LAMA2: variants seen among roughly 807,000 people sequenced by gnomAD.
The protein encoded by LAMA2 is laminin subunit alpha-2.
In LAMA2, 269 loss-of-function variants were observed where a neutral mutation model predicts 364.8. The ratio of observed to expected loss-of-function variants is 0.74; its 90% confidence interval spans 0.67 to 0.82. The LOEUF (loss-of-function observed/expected upper bound fraction) is 0.82, where lower values mean the gene tolerates loss of function less well. Ranked by LOEUF, LAMA2 falls within the 40% of genes least tolerant of loss-of-function variation. The pLI is 0.00. For synonymous variants in LAMA2, 1,379 were observed against 1,370.6 expected, an observed-to-expected ratio of 1.01 and a Z score of -0.14; for missense variants, 3,807 against 3,873.2, an observed-to-expected ratio of 0.98 and a Z score of 0.45.
intron 1 of LAMA2, among the ~76,000 whole-genome samples, chr6:128,910,203 G>A (rs1427110183): frequency 4.6e-5 from 7 of 152,196 alleles, no homozygotes; most frequent in African/African-American, 1.7e-4. Context: ...GATTGGGGAA[G>A]TTCTCCTGGA....
chr6:129,210,216 T>A (rs1562335513), intron 12 of LAMA2, among the ~76,000 whole-genome samples: 10 of 151,996 alleles, frequency 6.6e-5, no homozygotes. Flanking sequence ...TCCAAGGCTT[T>A]AAAAAAACAA....
At chr6:128,992,867 T>C (rs1183352272) in intron 1 of LAMA2, among the ~76,000 whole-genome samples, 9 of 152,188 alleles carry the variant, frequency 5.9e-5, no homozygotes, top group Admixed American at 1.3e-4. Flanking sequence ...TCTACTGATA[T>C]GAAGAGAAAG....
At position 129,503,298 on chromosome 6, in the gene LAMA2, A is replaced by G; in HGVS notation, c.8547+18A>G. 1.9e-6 allele frequency: 3 copies of G among 1,607,956 alleles called. No individual in the cohort carries two copies. Among genetic ancestry groups the G allele is most frequent in the Non-Finnish European group, 2.6e-6 (3 of 1,175,788 alleles). On this transcript the variant is annotated intron_variant, in intron 60 of 64. Transcript: ENST00000421865. Reference sequence around the variant, plus strand: ...GGCACAAGGTAATAGTCCCCTGGATATTGGCAGTACCCTAAGGGAATTACT... The same window carrying G: ...GGCACAAGGTAATAGTCCCCTGGATGTTGGCAGTACCCTAAGGGAATTACT...
chr6:129,142,844 A>G (rs1778210719), intron 4 of LAMA2, among the ~76,000 whole-genome samples: 1 of 152,014 alleles, frequency 6.6e-6, no homozygotes, highest in African/African-American at 2.4e-5. Flanking sequence ...ATTAACATTT[A>G]TCCTATTATG....
intron 40 of LAMA2, among the ~76,000 whole-genome samples, chr6:129,411,403 G>A (rs1447193399): frequency 1.3e-5 from 2 of 152,170 alleles, no homozygotes; most frequent in Non-Finnish European, 2.9e-5. Context: ...GGGATGGTTA[G>A]TAAAGAACTG....
At chr6:129,299,427 A>G (rs1562432443) in intron 21 of LAMA2, among the ~76,000 whole-genome samples, 1 of 152,066 alleles carries the variant, frequency 6.6e-6, no homozygotes, top group Non-Finnish European at 1.5e-5. Flanking sequence ...CATTATTATT[A>G]TTATCTTTAT....
chr6:129,514,867 T>TA (rs1303197409), intron 64 of LAMA2, among the ~76,000 whole-genome samples: 4 of 152,204 alleles, frequency 2.6e-5, no homozygotes, highest in African/African-American at 4.8e-5. Context: ...ATTTGGCTTA[T>TA]AAAAGATATG....
chr6:129,328,387 G>A lies in LAMA2; in HGVS notation c.4286G>A (p.Cys1429Tyr), dbSNP rs1480829265. 4 of 1,614,076 alleles carry A rather than the reference G, an allele frequency of 2.5e-6. No homozygotes were observed. The highest frequency in any genetic ancestry group is 3.4e-6 in the Non-Finnish European group (4 of 1,180,040). The change falls in exon 29 of 65, where the codon TGT (cysteine) becomes TAT (tyrosine). Residue 1429 changes from cysteine (C) to tyrosine (Y), a missense_variant. Cys to Tyr is a radical substitution (Grantham distance 194). This residue lies in a region of LAMA2 where 3,333 missense variants were observed against 3,345.7 expected (regional missense o/e 1.00). Coordinates refer to ENST00000421865, the MANE Select transcript of LAMA2 (RefSeq NM_000426.4). ...PCQCNGHSSL[C>Y]DPETSICQNC... ...CAATGTAATGGACACAGCAGCCTGTGTGACCCTGAAACATCGATATGCCAG... is the reference window on the plus strand; with the variant it reads ...CAATGTAATGGACACAGCAGCCTGTATGACCCTGAAACATCGATATGCCAG...
chr6:129,028,921 G>T (rs935130873), intron 1 of LAMA2, among the ~76,000 whole-genome samples: 4 of 151,736 alleles, frequency 2.6e-5, no homozygotes, highest in Non-Finnish European at 5.9e-5. Flanking sequence ...TTTCATATTT[G>T]TAAGAAAAAA....
chr6:129,128,191 G>A (rs1224089469), intron 4 of LAMA2, among the ~76,000 whole-genome samples: 1 of 152,022 alleles, frequency 6.6e-6, no homozygotes, highest in African/African-American at 2.4e-5. Flanking sequence ...GTGAAATAAG[G>A]GGCCAATTTT....
rs1184743462 is a variant in LAMA2 at position 129,171,241 on chromosome 6, C to T, written c.1306+5566C>T. Among the ~76,000 whole-genome samples the T allele has an allele frequency of 1.1e-4, 17 of 152,178 alleles. No individual in the cohort carries two copies. In the East Asian group the frequency reaches 2.9e-3, roughly 26 times the overall value. On this transcript the variant is annotated intron_variant, in intron 9 of 64. Coordinates refer to ENST00000421865, the MANE Select transcript of LAMA2 (RefSeq NM_000426.4). The stretch of plus-strand genomic sequence containing the variant: ...GATGATGTTAGCTGGTTATTTTGCT[C>T]GTTAGTTGATGCAGTTTCTTCCTAG...
At chr6:129,021,847 G>T (rs750223143) in intron 1 of LAMA2, among the ~76,000 whole-genome samples, 1 of 152,162 alleles carries the variant, frequency 6.6e-6, no homozygotes. Flanking sequence ...TTTACAAAGA[G>T]ATGAAGACTA....
At chr6:129,272,026 C>T (rs1583388852) in intron 17 of LAMA2, among the ~76,000 whole-genome samples, 1 of 152,256 alleles carries the variant, frequency 6.6e-6, no homozygotes, top group East Asian at 1.9e-4. Context: ...CTCCCAATGA[C>T]CTTCTTTACT....
At chr6:128,951,638 A>G (rs953143529) in intron 1 of LAMA2, among the ~76,000 whole-genome samples, 52 of 152,280 alleles carry the variant, frequency 3.4e-4, no homozygotes, top group Middle Eastern at 3.4e-3. Context: ...TGACTGTAGA[A>G]TAAATTCTAC....
chr6:128,915,994 T>G (rs1014536007), intron 1 of LAMA2, among the ~76,000 whole-genome samples: 13 of 152,168 alleles, frequency 8.5e-5, no homozygotes, highest in Admixed American at 4.6e-4. Flanking sequence ...TTAAATATAG[T>G]TTTCATTGAA....
At chr6:129,328,132 A>G in intron 28 of LAMA2, 146 bp from the exon 29 acceptor site, 1 of 750,078 alleles carries the variant, frequency 1.3e-6, no homozygotes, top group Non-Finnish European at 2.4e-6. Context: ...ATTAAGTATC[A>G]AAATCGGCAC....
chr6:129,347,369 C>A (rs887160823), intron 30 of LAMA2, among the ~76,000 whole-genome samples: 2 of 152,068 alleles, frequency 1.3e-5, no homozygotes, highest in East Asian at 3.9e-4. Flanking sequence ...ATATTTAAAT[C>A]CCTTAGGACT....
intron 9 of LAMA2, among the ~76,000 whole-genome samples, chr6:129,168,990 G>C (rs528707902): frequency 1.3e-5 from 2 of 152,186 alleles, no homozygotes; most frequent in East Asian, 1.9e-4. Flanking sequence ...AAGAATGCTT[G>C]TGACTTTTGT....
chr6:129,330,122 C>A (rs1325713647), intron 29 of LAMA2, among the ~76,000 whole-genome samples: 1 of 151,716 alleles, frequency 6.6e-6, no homozygotes, highest in Admixed American at 6.6e-5. Flanking sequence ...AGGGCTTCCA[C>A]TGATTCTATG....
Sources: allele counts gnomAD v4.1 joint callset (sites outside exome capture counted in the v4.1 genomes callset), GRCh38; gene constraint gnomAD v4.1.1; regional missense constraint gnomAD v4.1.1; transcripts MANE v1.5; gene names NCBI Gene and HGNC (gene_info 2026-07-23, HGNC 2026-07-21).